The following ACAN variants were observed in gnomAD, a reference collection of about 807,000 sequenced individuals.
ACAN encodes the protein aggrecan.
Under a neutral mutation model 169.1 loss-of-function variants are expected in ACAN, and 47 were observed. The observed-to-expected ratio is 0.28, with a 90% CI of 0.22 to 0.35. The LOEUF (loss-of-function observed/expected upper bound fraction) is 0.35. Among genes scored for constraint, ACAN ranks in the 10% least tolerant of loss-of-function variants. The pLI is 1.00. For synonymous variants in ACAN, 1,115 were observed against 1,112.2 expected (o/e 1.00, Z -0.05); for missense variants, 2,716 against 2,759.9 (o/e 0.98, Z 0.36).
intron 4 of ACAN, among the ~76,000 whole-genome samples, chr15:88,841,312 G>C (rs1020673638): frequency 6.6e-6 from 1 of 152,154 alleles, no homozygotes; most frequent in African/African-American, 2.4e-5. Context: ...TATAGAGTGA[G>C]GCCTAACAAA....
intron 10 of ACAN, chr15:88,850,047 T>C (rs1283212409): frequency 1.7e-6 from 1 of 595,804 alleles, no homozygotes; most frequent in African/African-American, 1.9e-5. Flanking sequence ...GGAGATATAA[T>C]GGTTCCTACT....
At chr15:88,867,859 C>G (rs1348848898) in intron 13 of ACAN, among the ~76,000 whole-genome samples, 5 of 152,212 alleles carry the variant, frequency 3.3e-5, no homozygotes, top group African/African-American at 1.2e-4. Flanking sequence ...TCCATGGTCT[C>G]TCAAAATATT....
At chr15:88,811,876 C>G (rs967527828) in intron 1 of ACAN, among the ~76,000 whole-genome samples, 27 of 152,182 alleles carry the variant, frequency 1.8e-4, no homozygotes, top group African/African-American at 5.8e-4. Context: ...CACCCCCACC[C>G]CAGACTCACG....
intron 1 of ACAN, among the ~76,000 whole-genome samples, chr15:88,835,794 G>T (rs143889581): frequency 8.5e-5 from 13 of 152,270 alleles, no homozygotes; most frequent in Non-Finnish European, 1.8e-4. Context: ...AGGACCATCT[G>T]CTTTATTCAA....
intron 1 of ACAN, among the ~76,000 whole-genome samples, chr15:88,832,753 C>G (rs932742633): frequency 2.6e-5 from 4 of 152,210 alleles, no homozygotes; most frequent in African/African-American, 9.6e-5. Context: ...TGGTCCAACC[C>G]TCATCCTGGG....
chr15:88,873,806 C>T lies in ACAN; in HGVS notation c.7448-36C>T. The T allele has an allele frequency of 6.2e-7, 1 of 1,605,836 alleles. No individual in the cohort carries two copies. Among genetic ancestry groups the T allele is most frequent in the Admixed American group, 1.7e-5 (1 of 59,436 alleles). ...CCAGCATAGGTCATCCCAGGAGACC[C>T]TATGAGACCCTTTATAAAGGGTGTT... On this transcript the variant is annotated intron_variant, in intron 17 of 18. Transcript: ENST00000560601. The surrounding 1 kb of genome is among the most constrained non-coding windows in gnomAD (Gnocchi z 7.5).
intron 1 of ACAN, among the ~76,000 whole-genome samples, chr15:88,806,194 G>T (rs1234854368): frequency 3.3e-5 from 5 of 152,154 alleles, no homozygotes; most frequent in Non-Finnish European, 4.4e-5. Flanking sequence ...CATAAAGTGG[G>T]TGCCTTGTCC....
intron 1 of ACAN, among the ~76,000 whole-genome samples, chr15:88,827,367 T>A (rs904014195): frequency 3.3e-5 from 5 of 152,240 alleles, no homozygotes; most frequent in African/African-American, 1.2e-4. Flanking sequence ...TTGTTTGCTG[T>A]CACTGCAGAA....
chr15:88,857,115 T>C lies in ACAN; in HGVS notation c.4530T>C (p.Pro1510=). The C allele has an allele frequency of 6.2e-7, 1 of 1,606,900 alleles. No homozygotes were observed. Among genetic ancestry groups the C allele is most frequent in the South Asian group, 1.1e-5 (1 of 90,238 alleles). Residue 1510 remains proline, a synonymous_variant, in exon 12 of 19, where the codon CCT becomes CCC. Coordinates refer to ENST00000560601, the MANE Select transcript of ACAN (RefSeq NM_001369268.1). ...GAATAGAGGATGTCAGTGAACTTCC[T>C]TCAGGAGAAGGTCTAGAGACCTCTG... ...ASGIEDVSEL[P]SGEGLETSAS...
intron 13 of ACAN, among the ~76,000 whole-genome samples, chr15:88,865,842 G>A (rs751878498): frequency 7.9e-5 from 12 of 152,186 alleles, no homozygotes; most frequent in Non-Finnish European, 8.8e-5. Context: ...AGACAGCACA[G>A]GCCAAAACAG....
At chr15:88,837,603 G>A (rs542915027) in intron 2 of ACAN, among the ~76,000 whole-genome samples, 9 of 152,212 alleles carry the variant, frequency 5.9e-5, no homozygotes, top group Admixed American at 2.0e-4. Flanking sequence ...AGCTGGGCAC[G>A]ACAGTCCCTT....
rs1235377787 is a variant in ACAN at position 88,861,939 on chromosome 15, C to G, written c.6946+1500C>G. ...AGGGCTTTTGTTCCCACGATTTCTCCCCAGATGGCTCTGTAAGCAGCTTGG... is the reference window on the plus strand; with the variant it reads ...AGGGCTTTTGTTCCCACGATTTCTCGCCAGATGGCTCTGTAAGCAGCTTGG... On this transcript the variant is annotated intron_variant, in intron 13 of 18. Coordinates refer to ENST00000560601, the MANE Select transcript of ACAN (RefSeq NM_001369268.1). The surrounding 1 kb of genome is among the most constrained non-coding windows in gnomAD (Gnocchi z 6.3). Among the ~76,000 whole-genome samples, 1 of 152,186 alleles carries G rather than the reference C, an allele frequency of 6.6e-6. No homozygotes were observed. Among genetic ancestry groups the G allele is most frequent in the African/African-American group, 2.4e-5 (1 of 41,450 alleles).
chr15:88,825,865 C>T (rs1364924516), intron 1 of ACAN, among the ~76,000 whole-genome samples: 2 of 152,224 alleles, frequency 1.3e-5, no homozygotes, highest in East Asian at 3.9e-4. Context: ...AGGCCTTCGG[C>T]AAACCAAGGC....
chr15:88,816,108 C>T (rs1895936415), intron 1 of ACAN, among the ~76,000 whole-genome samples: 2 of 152,356 alleles, frequency 1.3e-5, no homozygotes, highest in South Asian at 4.1e-4. Flanking sequence ...TCCACAAGGA[C>T]ATCTTCCCCT....
rs1282910252 is a variant in ACAN at position 88,814,414 on chromosome 15, CT to C, written c.-8+10607del. Among the ~76,000 whole-genome samples the C allele has an allele frequency of 6.6e-6, 1 of 152,210 alleles. No individual in the cohort carries two copies. The highest frequency in any genetic ancestry group is 1.5e-5 in the Non-Finnish European group (1 of 68,036). ...AGTTTCTCAGCTGCTTTTCTGCCTACTTATGCTCTTAAGATAGTCTTACCAT... is the reference window on the plus strand; with the variant it reads ...AGTTTCTCAGCTGCTTTTCTGCCTACTATGCTCTTAAGATAGTCTTACCAT... On this transcript the variant is annotated intron_variant, in intron 1 of 18. Transcript: ENST00000560601. The surrounding 1 kb of genome is among the most constrained non-coding windows in gnomAD (Gnocchi z 4.0).
In ACAN at chr15:88,860,422, G is replaced by A. The variant is rs1897171613; in HGVS notation, c.6929G>A (p.Gly2310Asp). The A allele has an allele frequency of 1.2e-6, 2 of 1,613,568 alleles. No homozygotes were observed. The highest frequency in any genetic ancestry group is 8.5e-7 in the Non-Finnish European group (1 of 1,179,766). The change falls in exon 13 of 19, where the codon GGC becomes GAC. Residue 2310 changes from glycine to aspartate, a missense_variant. Coordinates refer to ENST00000560601, the MANE Select transcript of ACAN (RefSeq NM_001369268.1). ...VICLCPPGYT[G>D]EHCNIDIDEC... ...TGCCTGTGCCCCCCTGGCTACACTG[G>A]CGAGCACTGTAACATAGGTAAGGCC...
In ACAN at chr15:88,838,835, G is replaced by T; in HGVS notation, c.243G>T (p.Glu81Asp). 6.2e-7 allele frequency: 1 copy of T among 1,614,014 alleles called. No individual in the cohort carries two copies. Among genetic ancestry groups the T allele is most frequent in the South Asian group, 1.1e-5 (1 of 91,086 alleles). Reference sequence around the variant, plus strand: ...TCAAGTGGAGCCGTGTGTCCAAGGAGAAGGAGGTAGTGCTGCTGGTGGCCA... The same window carrying T: ...TCAAGTGGAGCCGTGTGTCCAAGGATAAGGAGGTAGTGCTGCTGGTGGCCA... ...PRIKWSRVSK[E>D]KEVVLLVATE... is the part of the protein sequence containing the mutation. The change falls in exon 3 of 19, where the codon GAG becomes GAT. Residue 81 changes from glutamate to aspartate, a missense_variant. Coordinates refer to ENST00000560601, the MANE Select transcript of ACAN (RefSeq NM_001369268.1). This position sits in a 1 kb window ranked among gnomAD's most constrained non-coding sequence, Gnocchi z 5.1.
rs1896578236 is a variant in ACAN, at chr15:88,838,933, G to C, written c.341G>C (p.Ser114Thr). ...VSLPNYPAIP[S>T]DATLEVQSLR... ...CTGCCCAACTACCCGGCCATCCCCA[G>C]TGACGCCACCTTGGAAGTCCAGAGC... is the stretch of plus-strand genomic sequence containing the variant. The change falls in exon 3 of 19, where the codon AGT becomes ACT. Residue 114 changes from serine (S) to threonine (T), a missense_variant. Ser to Thr is a moderately conservative substitution (Grantham distance 58). Transcript: ENST00000560601. The surrounding 1 kb of genome is among the most constrained non-coding windows in gnomAD (Gnocchi z 5.1). The C allele has an allele frequency of 6.2e-7, 1 of 1,613,986 alleles. No homozygotes were observed. Among genetic ancestry groups the C allele is most frequent in the Non-Finnish European group, 8.5e-7 (1 of 1,179,898 alleles).
In ACAN at chr15:88,815,656, T is replaced by TAAAA. The variant is rs58267198; in HGVS notation, c.-8+11868_-8+11871dup. Reference sequence around the variant, plus strand: ...AAGACATGAAATGTTCTGCACTGATTAAAAAAAAAAAAAAAAAAAAAAAAG... The same window carrying TAAAA: ...AAGACATGAAATGTTCTGCACTGATTAAAAAAAAAAAAAAAAAAAAAAAAAAAAG... On this transcript the variant is annotated intron_variant, in intron 1 of 18. Transcript: ENST00000560601. Among the ~76,000 whole-genome samples, 438 of 54,082 alleles carry TAAAA rather than the reference T, an allele frequency of 8.1e-3. 1 individual carries two copies. The highest frequency in any genetic ancestry group is 0.019 in the Middle Eastern group (1 of 52). The allele number at this position is 54,082 out of a possible 152,430, so 35.5% of individuals were successfully genotyped here.
Sources: allele counts gnomAD v4.1 joint callset (sites outside exome capture counted in the v4.1 genomes callset), GRCh38; gene constraint gnomAD v4.1.1; non-coding constraint Gnocchi (gnomAD v3.1); transcripts MANE v1.5; gene names NCBI Gene and HGNC (gene_info 2026-07-23, HGNC 2026-07-21).